The following ZFYVE9 variants were observed in gnomAD, a reference collection of about 807,000 sequenced individuals.
ZFYVE9 encodes zinc finger FYVE-type containing 9, also known as zinc finger FYVE domain-containing protein 9.
A neutral mutation model predicts 126.7 loss-of-function variants in ZFYVE9; 43 were observed. That is an observed-to-expected ratio of 0.34 (90% CI 0.27 to 0.44). The LOEUF (loss-of-function observed/expected upper bound fraction) is 0.44, where lower values mean the gene tolerates loss of function less well. Among genes scored for constraint, ZFYVE9 ranks in the 20% least tolerant of loss-of-function variants. ZFYVE9 has a pLI of 1.00. For missense variants in ZFYVE9, 1,476 were observed against 1,697.0 expected, an observed-to-expected ratio of 0.87 and a Z score of 2.29; for synonymous variants, 521 against 597.4, an observed-to-expected ratio of 0.87 and a Z score of 1.87.
chr1:52,299,102 C>T (rs1160804690), intron 12 of ZFYVE9, among the ~76,000 whole-genome samples: 2 of 152,182 alleles, frequency 1.3e-5, no homozygotes, highest in African/African-American at 4.8e-5. Flanking sequence ...GCCACCTTGC[C>T]CGGCCCTTTT....
intron 1 of ZFYVE9, among the ~76,000 whole-genome samples, chr1:52,163,703 A>G (rs1164842189): frequency 6.6e-6 from 1 of 152,130 alleles, no homozygotes; most frequent in East Asian, 1.9e-4. Flanking sequence ...AATGTTAAAC[A>G]GGACCAGGCA....
chr1:52,303,659 A>G (rs1646055809), intron 12 of ZFYVE9, among the ~76,000 whole-genome samples, 162 bp from the exon 13 acceptor site: 1 of 152,244 alleles, frequency 6.6e-6, no homozygotes, highest in Admixed American at 6.5e-5. Flanking sequence ...CTAAAGAGCT[A>G]AAATACATAT....
chr1:52,216,206 G>C (rs894423270), intron 1 of ZFYVE9, among the ~76,000 whole-genome samples, 163 bp from the exon 2 acceptor site: 1 of 152,160 alleles, frequency 6.6e-6, no homozygotes, highest in African/African-American at 2.4e-5. Flanking sequence ...AAATGTCTCT[G>C]TTGCTACCTT....
chr1:52,152,602 A>G (rs1644367525), intron 1 of ZFYVE9, among the ~76,000 whole-genome samples: 1 of 152,240 alleles, frequency 6.6e-6, no homozygotes, highest in Non-Finnish European at 1.5e-5. Context: ...CTTAATATCT[A>G]AAGATGACAA....
intron 1 of ZFYVE9, among the ~76,000 whole-genome samples, chr1:52,157,394 C>CTTT (rs71579908): frequency 0.24 from 13,999 of 58,318 alleles, 4,446 homozygotes; most frequent in East Asian, 0.35. Context: ...ACCATATTCT[C>CTTT]TTTTTTTTTT....
At chr1:52,219,567 G>A (rs543177159) in intron 2 of ZFYVE9, among the ~76,000 whole-genome samples, 26 of 151,918 alleles carry the variant, frequency 1.7e-4, no homozygotes, top group African/African-American at 4.6e-4. Context: ...GGCTGGTGTC[G>A]GTGAATTGGG....
intron 4 of ZFYVE9, among the ~76,000 whole-genome samples, chr1:52,255,756 T>C (rs1645500477): frequency 6.6e-6 from 1 of 151,664 alleles, no homozygotes; most frequent in Non-Finnish European, 1.5e-5. Flanking sequence ...AGCTGGGTAT[T>C]GCGGCGCGTA....
chr1:52,241,982 A>C (rs1257973432), intron 4 of ZFYVE9, among the ~76,000 whole-genome samples: 1 of 151,608 alleles, frequency 6.6e-6, no homozygotes, highest in Non-Finnish European at 1.5e-5. Context: ...TAGGCTAGGT[A>C]ATGGGGATTC....
chr1:52,181,962 C>T lies in ZFYVE9; in HGVS notation c.-142-34407C>T, dbSNP rs573165809. ...GTCGGGGAGGGAGGTGGGGGTCAGC[C>T]ACCGCCAGGCCAGCCGCCCCGTCCC... On this transcript the variant is annotated intron_variant, in intron 1 of 18. Coordinates refer to ENST00000287727, the MANE Select transcript of ZFYVE9 (RefSeq NM_004799.4). Among the ~76,000 whole-genome samples, 1,466 of 151,560 alleles carry T rather than the reference C, an allele frequency of 9.7e-3. 11 individuals are homozygous for T. Among genetic ancestry groups the T allele is most frequent in the Non-Finnish European group, 0.017 (1,165 of 67,812 alleles).
intron 1 of ZFYVE9, among the ~76,000 whole-genome samples, chr1:52,202,024 T>G (rs932798566): frequency 6.6e-6 from 1 of 151,980 alleles, no homozygotes; most frequent in Non-Finnish European, 1.5e-5. Context: ...CCTTAGGTGA[T>G]CCCCCCATCT....
At chr1:52,253,254 A>G (rs1645469974) in intron 4 of ZFYVE9, among the ~76,000 whole-genome samples, 1 of 152,224 alleles carries the variant, frequency 6.6e-6, no homozygotes, top group Non-Finnish European at 1.5e-5. Context: ...ATACAGTATC[A>G]ACTGGCCAAG....
At chr1:52,265,439 T>A (rs893933858) in intron 5 of ZFYVE9, among the ~76,000 whole-genome samples, 3 of 152,124 alleles carry the variant, frequency 2.0e-5, no homozygotes, top group African/African-American at 7.2e-5. Context: ...AAAAAGAGGG[T>A]GGCTTCTATT....
chr1:52,168,136 A>G (rs1004463686), intron 1 of ZFYVE9, among the ~76,000 whole-genome samples: 1 of 152,062 alleles, frequency 6.6e-6, no homozygotes, highest in Non-Finnish European at 1.5e-5. Flanking sequence ...AATCTGTCAT[A>G]AAGCAAATTT....
At chr1:52,338,027 C>A in intron 16 of ZFYVE9, 93 bp downstream of exon 16, 1 of 1,400,816 alleles carries the variant, frequency 7.1e-7, no homozygotes. Context: ...TATAGTTTTA[C>A]TGAAAGCCCT....
At chr1:52,195,769 C>T (rs1171419819) in intron 1 of ZFYVE9, among the ~76,000 whole-genome samples, 2 of 151,428 alleles carry the variant, frequency 1.3e-5, no homozygotes, top group African/African-American at 2.4e-5. Context: ...TTAAAAGATA[C>T]ATGAAGTCTG....
At chr1:52,325,328 T>C (rs1186823160) in intron 13 of ZFYVE9, among the ~76,000 whole-genome samples, 2 of 151,804 alleles carry the variant, frequency 1.3e-5, no homozygotes, top group Non-Finnish European at 2.9e-5. Flanking sequence ...ACTCCATCTC[T>C]AAAAAATTAA....
At chr1:52,208,416 A>G (rs978671511) in intron 1 of ZFYVE9, among the ~76,000 whole-genome samples, 7 of 152,108 alleles carry the variant, frequency 4.6e-5, no homozygotes, top group South Asian at 2.1e-4. Flanking sequence ...AAAATATCGA[A>G]CTAATAGGAA....
chr1:52,257,459 G>C (rs565899439), intron 4 of ZFYVE9, among the ~76,000 whole-genome samples: 1 of 152,208 alleles, frequency 6.6e-6, no homozygotes, highest in African/African-American at 2.4e-5. Flanking sequence ...CTTTTAACCA[G>C]TACTTAGCTG....
At chr1:52,253,846 A>G in intron 4 of ZFYVE9, 1 of 1,392,798 alleles carries the variant, frequency 7.2e-7, no homozygotes, top group Non-Finnish European at 1.0e-6. Flanking sequence ...AACAGTTAAG[A>G]CATTATATAT....
Sources: allele counts gnomAD v4.1 joint callset (sites outside exome capture counted in the v4.1 genomes callset), GRCh38; gene constraint gnomAD v4.1.1; transcripts MANE v1.5; gene names NCBI Gene and HGNC (gene_info 2026-07-23, HGNC 2026-07-21).